The following HEATR5A variants were observed in gnomAD, a reference collection of about 807,000 sequenced individuals.
The protein encoded by HEATR5A is HEAT repeat containing 5A.
A neutral mutation model predicts 218.8 loss-of-function variants in HEATR5A; 178 were observed. The observed-to-expected ratio is 0.81, with a 90% CI of 0.72 to 0.92. The LOEUF (loss-of-function observed/expected upper bound fraction) is 0.92, where lower values mean the gene tolerates loss of function less well. HEATR5A is among the 40% of genes least tolerant of loss of function. The pLI, the probability that HEATR5A is intolerant of heterozygous loss-of-function variation, is 0.00. For synonymous variants in HEATR5A, 864 were observed against 871.6 expected, an observed-to-expected ratio of 0.99 and a Z score of 0.15; for missense variants, 2,420 against 2,418.9, an observed-to-expected ratio of 1.00 and a Z score of -0.01.
chr14:31,311,681 A>AT (rs1347228687), intron 28 of HEATR5A, among the ~76,000 whole-genome samples: 1 of 151,790 alleles, frequency 6.6e-6, no homozygotes, highest in Non-Finnish European at 1.5e-5. Context: ...ATATATATAT[A>AT]TATAAAAAAG....
At chr14:31,302,752 C>G (rs928112730) in intron 32 of HEATR5A, 18 of 464,910 alleles carry the variant, frequency 3.9e-5, no homozygotes, top group African/African-American at 7.9e-5. Context: ...GTGTGAGTAT[C>G]ATTATGCTTA....
At chr14:31,382,565 T>G (rs7160846) in intron 10 of HEATR5A, among the ~76,000 whole-genome samples, 2 of 152,048 alleles carry the variant, frequency 1.3e-5, no homozygotes, top group Non-Finnish European at 1.5e-5. Context: ...TTCAAACACC[T>G]TGCTTGCCTA....
chr14:31,354,824 G>T (rs1012689501), intron 16 of HEATR5A, among the ~76,000 whole-genome samples: 10 of 152,100 alleles, frequency 6.6e-5, no homozygotes, highest in Admixed American at 5.9e-4. Flanking sequence ...TTTTTAGAGG[G>T]TATATAATGG....
intron 6 of HEATR5A, among the ~76,000 whole-genome samples, chr14:31,391,868 C>T (rs1227889105): frequency 6.6e-6 from 1 of 152,116 alleles, no homozygotes; most frequent in East Asian, 1.9e-4. Flanking sequence ...ATAGTCTATA[C>T]CATATAGCCT....
Position 31,380,500 on chromosome 14 carries a change from C to T in HEATR5A, c.1675G>A (p.Gly559Arg). ...SRLSAQRTQA[G>R]WLLISALMTL... ...ATCAGAGCAGAAATCAGCAACCATC[C>T]AGCTTGTGTGCGCTGAGCTGAAAGG... is the stretch of plus-strand genomic sequence containing the variant. Residue 559 changes from glycine to arginine, a missense_variant, in exon 11 of 36, where the codon GGA (glycine) becomes AGA (arginine). Transcript: ENST00000543095. 5 of 1,608,866 alleles carry T rather than the reference C, an allele frequency of 3.1e-6. No homozygotes were observed. The highest frequency in any genetic ancestry group is 1.1e-5 in the South Asian group (1 of 89,594).
intron 20 of HEATR5A, 36 bp from the exon 21 acceptor site, chr14:31,344,101 C>A (rs768820062): frequency 1.6e-6 from 2 of 1,276,678 alleles, no homozygotes; most frequent in Non-Finnish European, 2.1e-6. Flanking sequence ...AATAATTGGC[C>A]TATAAAAACA....
intron 1 of HEATR5A, among the ~76,000 whole-genome samples, chr14:31,417,947 T>A (rs1227645579): frequency 6.6e-6 from 1 of 152,074 alleles, no homozygotes; most frequent in Non-Finnish European, 1.5e-5. Context: ...GGCTCATGAC[T>A]GTAATATCCC....
chr14:31,345,726 T>C (rs577008031), intron 19 of HEATR5A, among the ~76,000 whole-genome samples: 16 of 152,324 alleles, frequency 1.1e-4, no homozygotes, highest in Non-Finnish European at 2.4e-4. Flanking sequence ...AAAACTAATT[T>C]ATGCTGTTGC....
intron 1 of HEATR5A, among the ~76,000 whole-genome samples, chr14:31,408,559 A>T (rs192827812): frequency 6.6e-6 from 1 of 152,188 alleles, no homozygotes; most frequent in Non-Finnish European, 1.5e-5. Context: ...GTTGAACTAT[A>T]TGAAACTGCC....
chr14:31,413,246 T>C (rs2378863), intron 1 of HEATR5A, among the ~76,000 whole-genome samples: 148,548 of 152,294 alleles, frequency 0.98, 72,533 homozygotes, highest in Middle Eastern at 1. Flanking sequence ...GGAGCACATC[T>C]TATTAGGATG....
In HEATR5A at chr14:31,389,599, G is replaced by A. The variant is rs150220820; in HGVS notation, c.773-594C>T. Among the ~76,000 whole-genome samples the A allele has an allele frequency of 3.2e-3, 490 of 152,086 alleles. 2 individuals carry two copies. Among genetic ancestry groups the A allele is most frequent in the Admixed American group, 6.5e-3 (99 of 15,268 alleles). On this transcript the variant is annotated intron_variant, in intron 6 of 35. Transcript: ENST00000543095. ...AATTAAGGCAGGAATGTTTAAGATCGACTTCAGTTTGACACAGCTGGGTTT... is the reference window on the plus strand; with the variant it reads ...AATTAAGGCAGGAATGTTTAAGATCAACTTCAGTTTGACACAGCTGGGTTT...
At chr14:31,385,106 G>C (rs1438246435) in intron 9 of HEATR5A, among the ~76,000 whole-genome samples, 1 of 152,066 alleles carries the variant, frequency 6.6e-6, no homozygotes, top group Non-Finnish European at 1.5e-5. Flanking sequence ...CAAGAAATGT[G>C]TGCCACGAAG....
chr14:31,307,873 A>G lies in HEATR5A; in HGVS notation c.4818+20T>C, dbSNP rs372586998. On this transcript the variant is annotated intron_variant, in intron 30 of 35. Transcript: ENST00000543095. The stretch of plus-strand genomic sequence containing the variant: ...TTAAAGACTACAGAAGCCTTACAAA[A>G]AAAACCCCAGATAAATCACCTGATC... The G allele has an allele frequency of 1.2e-4, 187 of 1,603,914 alleles. 1 individual carries two copies. Among genetic ancestry groups the G allele is most frequent in the Non-Finnish European group, 1.6e-4 (184 of 1,177,600 alleles).
At position 31,395,187 on chromosome 14, in the gene HEATR5A, A is replaced by T; in HGVS notation, c.597+12T>A. On this transcript the variant is annotated intron_variant, in intron 5 of 35. Transcript: ENST00000543095. ...TATTAATTTTTAAAGTCTGCTTATT[A>T]GATCATTTTACCTTTGCAGCAGCAC... 6.8e-7 allele frequency: 1 copy of T among 1,480,068 alleles called. No individual in the cohort carries two copies. Among genetic ancestry groups the T allele is most frequent in the Non-Finnish European group, 9.0e-7 (1 of 1,115,466 alleles). 91.7% of individuals were successfully genotyped at this position (1,480,068 alleles called of 1,614,324 possible).
intron 28 of HEATR5A, among the ~76,000 whole-genome samples, chr14:31,309,993 G>A (rs561239363): frequency 2.2e-4 from 34 of 152,042 alleles, no homozygotes; most frequent in African/African-American, 5.3e-4. Flanking sequence ...GTGAGCCACC[G>A]CGCCTGGCCA....
intron 27 of HEATR5A, among the ~76,000 whole-genome samples, chr14:31,314,022 A>G (rs1899838132): frequency 1.3e-5 from 2 of 152,184 alleles, no homozygotes; most frequent in African/African-American, 4.8e-5. Flanking sequence ...ATCTCAGCTC[A>G]CTGCAACCTC....
chr14:31,340,573 G>T, intron 21 of HEATR5A: 1 of 710,452 alleles, frequency 1.4e-6, no homozygotes, highest in Non-Finnish European at 2.1e-6. Flanking sequence ...AAATATAAAT[G>T]TTGATAGTTA....
chr14:31,306,642 AG>A, intron 31 of HEATR5A, 89 bp downstream of exon 31: 1 of 1,305,224 alleles, frequency 7.7e-7, no homozygotes, highest in Non-Finnish European at 1.0e-6. Context: ...CACACACAAA[AG>A]ATTATCAAAA....
At chr14:31,356,432 T>G (rs1901429746) in intron 16 of HEATR5A, among the ~76,000 whole-genome samples, 1 of 152,106 alleles carries the variant, frequency 6.6e-6, no homozygotes. Flanking sequence ...GAAGGAGTTT[T>G]GCATGTTGCC....
Sources: allele counts gnomAD v4.1 joint callset (sites outside exome capture counted in the v4.1 genomes callset), GRCh38; gene constraint gnomAD v4.1.1; transcripts MANE v1.5; gene names NCBI Gene and HGNC (gene_info 2026-07-23, HGNC 2026-07-21).